NRXN3: variants seen among roughly 807,000 people sequenced by gnomAD.
NRXN3 encodes the protein neurexin 3.
In NRXN3, 32 loss-of-function variants were observed where a neutral mutation model predicts 137.6. The ratio of observed to expected loss-of-function variants is 0.23; its 90% CI spans 0.18 to 0.31. The LOEUF (loss-of-function observed/expected upper bound fraction) is 0.31. NRXN3 is among the 10% of genes least tolerant of loss of function. The pLI is 1.00. For missense variants in NRXN3, 1,574 were observed against 2,062.5 expected (o/e 0.76, Z 4.59); for synonymous variants, 798 against 784.5 (o/e 1.02, Z -0.29).
intron 15 of NRXN3, among the ~76,000 whole-genome samples, chr14:79,135,278 A>G (rs931248096): frequency 1.3e-5 from 2 of 152,162 alleles, no homozygotes; most frequent in African/African-American, 4.8e-5. Context: ...CACCTCCAAG[A>G]TTTTGACTCT....
intron 4 of NRXN3, chr14:78,615,173 G>A (rs2097335393): frequency 2.3e-6 from 1 of 443,236 alleles, no homozygotes; most frequent in African/African-American, 2.0e-5. Flanking sequence ...GTATACCATT[G>A]AACTTTTATC....
intron 15 of NRXN3, among the ~76,000 whole-genome samples, chr14:79,099,843 C>T (rs2050956392): frequency 6.6e-6 from 1 of 152,162 alleles, no homozygotes; most frequent in South Asian, 2.1e-4. Flanking sequence ...AATGCCTGTG[C>T]CAAGTCTTCC....
chr14:79,104,687 C>T (rs913469326), intron 15 of NRXN3, among the ~76,000 whole-genome samples: 1 of 152,160 alleles, frequency 6.6e-6, no homozygotes, highest in African/African-American at 2.4e-5. Context: ...GGCTATTTCT[C>T]TCTTTTACCT....
chr14:78,546,003 C>T (rs2096633432), intron 4 of NRXN3, among the ~76,000 whole-genome samples: 1 of 152,128 alleles, frequency 6.6e-6, no homozygotes, highest in South Asian at 2.1e-4. Flanking sequence ...TTATTTCCAT[C>T]TTACTTTTTT....
At chr14:78,333,622 TTA>T (rs1403765524) in intron 4 of NRXN3, among the ~76,000 whole-genome samples, 1 of 152,084 alleles carries the variant, frequency 6.6e-6, no homozygotes, top group Non-Finnish European at 1.5e-5. Context: ...TATAAGGCAG[TTA>T]GAGAGACCTC....
At chr14:78,192,203 C>T (rs2060816268) in intron 1 of NRXN3, among the ~76,000 whole-genome samples, 2 of 151,906 alleles carry the variant, frequency 1.3e-5, no homozygotes, top group African/African-American at 4.8e-5. Flanking sequence ...TGGCTCCTGG[C>T]TATTAATACT....
In NRXN3 at chr14:79,663,956, G is replaced by T; in HGVS notation, c.3616+7G>T. On this transcript the variant is annotated splice_region_variant and intron_variant, in intron 17 of 20. Transcript: ENST00000335750. ...AATGAACATTATCCTACAGGTACAT[G>T]TTGTTCGCTCAATGGTCCTACTCTT... is the stretch of plus-strand genomic sequence containing the variant. 6.2e-7 allele frequency: 1 copy of T among 1,613,118 alleles called. No homozygotes were observed. Among genetic ancestry groups the T allele is most frequent in the East Asian group, 2.2e-5 (1 of 44,814 alleles).
intron 17 of NRXN3, among the ~76,000 whole-genome samples, chr14:79,674,496 G>T (rs549745251): frequency 2.6e-4 from 40 of 152,060 alleles, no homozygotes; most frequent in African/African-American, 9.6e-4. Flanking sequence ...GAGCACATTT[G>T]CTGTGGTCAC....
chr14:79,682,562 A>C lies in NRXN3; in HGVS notation c.3617-9611A>C, dbSNP rs368890591. 5.3e-5 allele frequency among the ~76,000 whole-genome samples: 8 copies of C among 152,274 alleles called. No homozygotes were observed. The East Asian group carries it at 7.7e-4, about 15-fold the overall frequency. On this transcript the variant is annotated intron_variant, in intron 17 of 20. Transcript: ENST00000335750. ...CCTTAAAAATTCTATGCAGCCAAAC[A>C]AATAGGAGTGTAGACAATTCTTTAA...
chr14:78,315,009 C>A (rs1356771409), intron 4 of NRXN3, among the ~76,000 whole-genome samples: 2 of 93,858 alleles, frequency 2.1e-5, no homozygotes, highest in Non-Finnish European at 4.3e-5. Context: ...TTCTTTCTTT[C>A]TTTTCTTTTT....
At chr14:78,312,159 G>T (rs1454636371) in intron 4 of NRXN3, among the ~76,000 whole-genome samples, 4 of 152,176 alleles carry the variant, frequency 2.6e-5, no homozygotes, top group Admixed American at 2.0e-4. Flanking sequence ...ATATAAGGAA[G>T]ATTCTGGAAG....
intron 4 of NRXN3, among the ~76,000 whole-genome samples, chr14:78,439,751 A>G (rs8012913): frequency 0.08 from 12,130 of 152,252 alleles, 677 homozygotes; most frequent in East Asian, 0.34. Flanking sequence ...CTCATCACGC[A>G]TCTTGGTAGG....
chr14:78,388,235 C>T (rs558581251), intron 4 of NRXN3, among the ~76,000 whole-genome samples: 3 of 152,262 alleles, frequency 2.0e-5, no homozygotes, highest in East Asian at 3.9e-4. Context: ...AACTGAAATT[C>T]GCGCTTCTGA....
At chr14:78,701,905 A>C in intron 6 of NRXN3, among the ~76,000 whole-genome samples, 1 of 152,208 alleles carries the variant, frequency 6.6e-6, no homozygotes, top group East Asian at 1.9e-4. Flanking sequence ...TGTTAACAAA[A>C]TATAAAGCAT....
intron 6 of NRXN3, among the ~76,000 whole-genome samples, chr14:78,707,883 T>C (rs1282309464): frequency 1.3e-5 from 2 of 152,250 alleles, no homozygotes; most frequent in African/African-American, 4.8e-5. Flanking sequence ...ATGCCATTAA[T>C]TCATTCCTTT....
chr14:78,421,595 C>G (rs2093448263), intron 4 of NRXN3, among the ~76,000 whole-genome samples: 1 of 152,168 alleles, frequency 6.6e-6, no homozygotes, highest in Non-Finnish European at 1.5e-5. Flanking sequence ...ATATCCATCT[C>G]TCTTTCCCTA....
intron 15 of NRXN3, among the ~76,000 whole-genome samples, chr14:79,447,193 G>A (rs1400295101): frequency 6.6e-6 from 1 of 152,122 alleles, no homozygotes; most frequent in Non-Finnish European, 1.5e-5. Flanking sequence ...CGTTCCTTCT[G>A]GGGTTTTCAG....
intron 8 of NRXN3, among the ~76,000 whole-genome samples, chr14:78,729,815 C>T (rs1281526786): frequency 6.6e-6 from 1 of 152,116 alleles, no homozygotes; most frequent in East Asian, 1.9e-4. Context: ...GGGGAGCCAT[C>T]GGCTATGTAT....
rs527676433 is a variant in NRXN3 at position 78,411,871 on chromosome 14, T to C, written c.757+114011T>C. Among the ~76,000 whole-genome samples, 4 of 152,344 alleles carry C rather than the reference T, an allele frequency of 2.6e-5. No homozygotes were observed. The East Asian group carries it at 7.7e-4, about 29-fold the overall frequency. ...TATCACATTGGATGAGAGGCTGAAT[T>C]TCATAGACCTCAAATGTCCTTTTCC... On this transcript the variant is annotated intron_variant, in intron 4 of 20. Coordinates refer to ENST00000335750, the MANE Select transcript of NRXN3 (RefSeq NM_001330195.2).
Sources: gnomAD v4.1 joint callset for allele counts (sites outside exome capture counted in the v4.1 genomes callset) on GRCh38, gnomAD v4.1.1 for gene constraint, MANE v1.5 for transcripts, NCBI Gene and HGNC (gene_info 2026-07-23, HGNC 2026-07-21) for gene names.